HGF: variants seen among roughly 807,000 people sequenced by gnomAD.
HGF encodes the protein hepatocyte growth factor.
In HGF, 39 loss-of-function variants were observed where a neutral mutation model predicts 111.6. The ratio of observed to expected loss-of-function variants is 0.35; its 90% confidence interval spans 0.27 to 0.46. HGF has a LOEUF of 0.46. HGF is among the 20% of genes least tolerant of loss of function. The pLI is 1.00. For missense variants in HGF, 735 were observed against 910.5 expected, an observed-to-expected ratio of 0.81 and a Z score of 2.48; for synonymous variants, 285 against 294.8, an observed-to-expected ratio of 0.97 and a Z score of 0.34.
chr7:81,754,724 CTGTT>C (rs938941574), intron 4 of HGF, among the ~76,000 whole-genome samples: 9 of 151,988 alleles, frequency 5.9e-5, no homozygotes, highest in Admixed American at 5.9e-4. Context: ...CCTAAATTAA[CTGTT>C]TTTTTTTGTT....
At position 81,702,053 on chromosome 7, in the gene HGF, TAA is replaced by T. The variant is rs5745769; in HGVS notation, c.*526_*527del. ...ATGTGTACATGGGTATGTGGTTTTG[TAA>T]AAAGTGTGTTCGTGTACCAGTATTG... On this transcript the variant is annotated 3_prime_UTR_variant, in exon 18 of 18. Coordinates refer to ENST00000222390, the MANE Select transcript of HGF (RefSeq NM_000601.6). 0.071 allele frequency: 13,206 copies of T among 184,982 alleles called. 1,822 individuals carry two copies. The highest frequency in any genetic ancestry group is 0.29 in the African/African-American group (12,352 of 42,536). The allele number at this position is 184,982 out of a possible 1,614,324, so 11.5% of individuals were successfully genotyped here.
chr7:81,712,186 C>T (rs1789588838), intron 11 of HGF, among the ~76,000 whole-genome samples: 1 of 152,132 alleles, frequency 6.6e-6, no homozygotes, highest in South Asian at 2.1e-4. Context: ...CAACATCCTA[C>T]ACCATGAACA....
intron 7 of HGF, among the ~76,000 whole-genome samples, chr7:81,738,234 G>GA (rs1193627378): frequency 2.0e-5 from 3 of 151,978 alleles, no homozygotes; most frequent in South Asian, 2.1e-4. Context: ...AAAACTTACA[G>GA]AAAAAATACA....
intron 5 of HGF, among the ~76,000 whole-genome samples, chr7:81,750,454 T>G (rs1788444860): frequency 6.6e-6 from 1 of 152,126 alleles, no homozygotes; most frequent in African/African-American, 2.4e-5. Flanking sequence ...AGCAATGCCC[T>G]TTTCTAAGGG....
intron 13 of HGF, among the ~76,000 whole-genome samples, chr7:81,709,374 G>T (rs895573896): frequency 6.6e-6 from 1 of 152,126 alleles, no homozygotes; most frequent in African/African-American, 2.4e-5. Context: ...TTCTGATAGA[G>T]ATAGCCAAAG....
chr7:81,753,700 C>A (rs937234946), intron 4 of HGF, among the ~76,000 whole-genome samples: 1 of 151,956 alleles, frequency 6.6e-6, no homozygotes, highest in African/African-American at 2.4e-5. Flanking sequence ...TAAACATTTT[C>A]AGGGAACCAG....
intron 7 of HGF, chr7:81,736,747 A>G: frequency 2.1e-6 from 1 of 473,400 alleles, no homozygotes; most frequent in Non-Finnish European, 4.2e-6. Flanking sequence ...TGGAACAGAC[A>G]GCATGAGAGC....
intron 7 of HGF, among the ~76,000 whole-genome samples, chr7:81,735,810 T>C (rs1200870966): frequency 2.0e-5 from 3 of 152,042 alleles, no homozygotes; most frequent in Non-Finnish European, 4.4e-5. Flanking sequence ...TGCTAGACAA[T>C]TGGGTCCTTG....
At chr7:81,759,097 C>G (rs1788933747) in intron 2 of HGF, among the ~76,000 whole-genome samples, 1 of 152,034 alleles carries the variant, frequency 6.6e-6, no homozygotes, top group Non-Finnish European at 1.5e-5. Flanking sequence ...TTTTAACATG[C>G]AAAATCAATA....
In HGF at chr7:81,725,894, T is replaced by A. The variant is rs1380876378; in HGVS notation, c.1164A>T (p.Gly388=). 2 of 1,613,998 alleles carry A rather than the reference T, an allele frequency of 1.2e-6. No individual in the cohort carries two copies. Among genetic ancestry groups the A allele is most frequent in the Non-Finnish European group, 1.7e-6 (2 of 1,179,980 alleles). Residue 388 remains glycine (G), a synonymous_variant, in exon 9 of 18, where the codon GGA becomes GGT. Transcript: ENST00000222390. ...SQIPNCDMSH[G]QDCYRGNGKN... is the part of the protein sequence containing the mutation. ...CTGCAGAATGTCAGCTATTACCTTG[T>A]CCATGTGACATATCACAGTTTGGAA...
chr7:81,741,671 G>T (rs1788009839), intron 7 of HGF, among the ~76,000 whole-genome samples: 1 of 151,654 alleles, frequency 6.6e-6, no homozygotes, highest in African/African-American at 2.4e-5. Context: ...AGGCCTGGTG[G>T]CTCATGCCTG....
At chr7:81,756,366 A>C (rs1375719173) in intron 4 of HGF, 18 of 292,610 alleles carry the variant, frequency 6.2e-5, no homozygotes, top group Non-Finnish European at 5.0e-5. Flanking sequence ...CATTACTAAT[A>C]AGGGGAGAGC....
rs902793318 is a variant in HGF at position 81,760,977 on chromosome 7, G to A, written c.254+1730C>T. Among the ~76,000 whole-genome samples, 41 of 152,036 alleles carry A rather than the reference G, an allele frequency of 2.7e-4. 1 individual carries two copies. The highest frequency in any genetic ancestry group is 1.9e-3 in the Admixed American group (29 of 15,254). ...GAAAGTTTTTCTTTCCTAAGTATAC[G>A]GTTGACTAATGTGAAAATTGAATGG... On this transcript the variant is annotated intron_variant, in intron 2 of 17. Transcript: ENST00000222390.
At position 81,729,590 on chromosome 7, in the gene HGF, G is replaced by C. The variant is rs527305382; in HGVS notation, c.1040+15C>G. The C allele has an allele frequency of 6.3e-7, 1 of 1,595,450 alleles. No individual in the cohort carries two copies. Among genetic ancestry groups the C allele is most frequent in the South Asian group, 1.1e-5 (1 of 90,740 alleles). On this transcript the variant is annotated intron_variant, in intron 8 of 17. Coordinates refer to ENST00000222390, the MANE Select transcript of HGF (RefSeq NM_000601.6). ...GGGCCTACTGAAATGTATAACATTT[G>C]CCTACTTTACTCACTTGCACTTGAA...
At chr7:81,740,009 C>T (rs1300240507) in intron 7 of HGF, among the ~76,000 whole-genome samples, 1 of 152,108 alleles carries the variant, frequency 6.6e-6, no homozygotes, top group Non-Finnish European at 1.5e-5. Flanking sequence ...CTTGAATTAC[C>T]ATACTGCTCC....
intron 13 of HGF, 45 bp from the exon 14 acceptor site, chr7:81,707,409 G>C: frequency 9.0e-7 from 1 of 1,114,254 alleles, no homozygotes; most frequent in Non-Finnish European, 1.4e-6. Context: ...TGTGCAGAAA[G>C]AGTGACTGCC....
intron 17 of HGF, among the ~76,000 whole-genome samples, chr7:81,704,700 T>C (rs2115753959): frequency 6.6e-6 from 1 of 151,916 alleles, no homozygotes; most frequent in South Asian, 2.1e-4. Context: ...ACTCATTTCA[T>C]CTTTTGCCAC....
chr7:81,708,984 C>T (rs545626795), intron 13 of HGF, among the ~76,000 whole-genome samples: 3 of 152,244 alleles, frequency 2.0e-5, no homozygotes, highest in Admixed American at 6.6e-5. Context: ...TCTCCTACAA[C>T]ATTGTGGTCA....
chr7:81,750,095 A>G (rs868764394), intron 5 of HGF, among the ~76,000 whole-genome samples: 7 of 152,190 alleles, frequency 4.6e-5, no homozygotes, highest in Admixed American at 1.3e-4. Flanking sequence ...TCCCCCTTAT[A>G]TGTATTTTAG....
Sources: gnomAD v4.1 joint callset for allele counts (sites outside exome capture counted in the v4.1 genomes callset) on GRCh38, gnomAD v4.1.1 for gene constraint, MANE v1.5 for transcripts, NCBI Gene and HGNC (gene_info 2026-07-23, HGNC 2026-07-21) for gene names.